The following SGTA variants were observed in gnomAD, a reference collection of about 807,000 sequenced individuals.
SGTA encodes small glutamine rich tetratricopeptide repeat co-chaperone alpha.
Under a neutral mutation model 44.3 loss-of-function variants are expected in SGTA, and 22 were observed. The ratio of observed to expected loss-of-function variants is 0.50; its 90% CI spans 0.36 to 0.71. The LOEUF (loss-of-function observed/expected upper bound fraction) is 0.71, where lower values mean the gene tolerates loss of function less well. Ranked by LOEUF, SGTA falls within the 30% of genes least tolerant of loss-of-function variation. The probability of loss-of-function intolerance (pLI) is 0.00; values close to 1 mark genes in which losing one functional copy is unlikely to be tolerated. For synonymous variants in SGTA, 174 were observed against 177.6 expected (o/e 0.98, Z 0.16); for missense variants, 341 against 435.9 (o/e 0.78, Z 1.94).
At chr19:2,771,792 G>A (rs896411654) in intron 1 of SGTA, among the ~76,000 whole-genome samples, 3 of 152,268 alleles carry the variant, frequency 2.0e-5, no homozygotes, top group Non-Finnish European at 4.4e-5. Context: ...GGTTGCTGTG[G>A]TGCTGGCGCA....
intron 1 of SGTA, chr19:2,777,850 C>T (rs962016562): frequency 6.6e-6 from 1 of 151,704 alleles, no homozygotes; most frequent in East Asian, 2.0e-4. Context: ...AGCCTGGCTT[C>T]TACTAAAAAT....
chr19:2,776,482 G>A (rs952159198), intron 1 of SGTA, among the ~76,000 whole-genome samples: 15 of 152,202 alleles, frequency 9.9e-5, no homozygotes, highest in Non-Finnish European at 2.2e-4. Flanking sequence ...CTCCTAGGCG[G>A]TCCCTAGAGT....
intron 1 of SGTA, among the ~76,000 whole-genome samples, chr19:2,778,664 C>A (rs1915500492): frequency 6.6e-6 from 1 of 152,164 alleles, no homozygotes; most frequent in African/African-American, 2.4e-5. Flanking sequence ...GTCCCATGAT[C>A]ATTTGCTCTA....
At chr19:2,758,816 C>A (rs1158283827) in intron 9 of SGTA, among the ~76,000 whole-genome samples, 1 of 152,198 alleles carries the variant, frequency 6.6e-6, no homozygotes, top group Non-Finnish European at 1.5e-5. Flanking sequence ...AGGAGCGAGG[C>A]CCTGACCCAG....
Position 2,755,943 on chromosome 19 carries a change from GAC to G in SGTA, c.*7-12_*7-11del. ...GTCACACCGGGAGCAGCTGGAAGGG[GAC>G]AGACATGAAGGCTGTCAGAGCGCAG... is the stretch of plus-strand genomic sequence containing the variant. On this transcript the variant is annotated splice_polypyrimidine_tract_variant and intron_variant, in intron 11 of 11. Transcript: ENST00000221566. The surrounding 1 kb of genome is among the most constrained non-coding windows in gnomAD (Gnocchi z 5.2). The G allele has an allele frequency of 1.0e-6, 1 of 985,912 alleles. No homozygotes were observed. The highest frequency in any genetic ancestry group is 1.2e-6 in the Non-Finnish European group (1 of 830,200). The allele number at this position is 985,912 out of a possible 1,614,324, so 61.1% of individuals were successfully genotyped here. A position where few individuals can be genotyped will look rare whatever the true frequency, so the allele number is the denominator to read the frequency against.
rs913397296 is a variant in SGTA, at chr19:2,762,604, C to T, written c.538G>A (p.Ala180Thr). 5.0e-6 allele frequency: 8 copies of T among 1,613,950 alleles called. No homozygotes were observed. The highest frequency in any genetic ancestry group is 1.6e-4 in the Middle Eastern group (1 of 6,084). Residue 180 changes from alanine (A) to threonine (T), a missense_variant, in exon 7 of 12, where the codon GCT becomes ACT. Coordinates refer to ENST00000221566, the MANE Select transcript of SGTA (RefSeq NM_003021.4). ...AGCTCCAGAGCCTTCTTGTAGTAAGCCACGGCCTCCACGTGCTTGTTGAGG... is the reference window on the plus strand; with the variant it reads ...AGCTCCAGAGCCTTCTTGTAGTAAGTCACGGCCTCCACGTGCTTGTTGAGG... ...SSLNKHVEAV[A>T]YYKKALELDP...
At chr19:2,779,099 A>G (rs1022057923) in intron 1 of SGTA, among the ~76,000 whole-genome samples, 2 of 152,186 alleles carry the variant, frequency 1.3e-5, no homozygotes, top group African/African-American at 2.4e-5. Flanking sequence ...ACATGTCCCC[A>G]GACACTGCCA....
chr19:2,760,671 T>C (rs1333579484), intron 8 of SGTA, among the ~76,000 whole-genome samples: 2 of 151,942 alleles, frequency 1.3e-5, no homozygotes, highest in Non-Finnish European at 1.5e-5. Context: ...CCAGTCACCC[T>C]CCATCCCATG....
intron 1 of SGTA, among the ~76,000 whole-genome samples, chr19:2,772,311 T>A (rs1915331220): frequency 6.6e-6 from 1 of 152,194 alleles, no homozygotes; most frequent in South Asian, 2.1e-4. Flanking sequence ...TCTGGATAAT[T>A]TCTTATTCTT....
chr19:2,766,466 C>A (rs557265161), intron 4 of SGTA, among the ~76,000 whole-genome samples: 1 of 151,688 alleles, frequency 6.6e-6, no homozygotes, highest in Non-Finnish European at 1.5e-5. Context: ...GAGTTTCACT[C>A]TTATCGCCCA....
At chr19:2,766,591 C>T (rs540283542) in intron 4 of SGTA, among the ~76,000 whole-genome samples, 1 of 152,126 alleles carries the variant, frequency 6.6e-6, no homozygotes, top group South Asian at 2.1e-4. Flanking sequence ...CACCACTGCA[C>T]CTGGCTAATT....
Position 2,765,367 on chromosome 19 carries a change from G to T in SGTA, c.293-82C>A. 1.9e-6 allele frequency: 2 copies of T among 1,042,696 alleles called. No homozygotes were observed. The highest frequency in any genetic ancestry group is 1.5e-6 in the Non-Finnish European group (1 of 686,804). The allele number at this position is 1,042,696 out of a possible 1,614,324, so 64.6% of individuals were successfully genotyped here. A position where few individuals can be genotyped will look rare whatever the true frequency, so the allele number is the denominator to read the frequency against. On this transcript the variant is annotated intron_variant, in intron 4 of 11. Coordinates refer to ENST00000221566, the MANE Select transcript of SGTA (RefSeq NM_003021.4). The surrounding 1 kb of genome is among the most constrained non-coding windows in gnomAD (Gnocchi z 5.5). ...AGGGAGAGAGGAAAACACCGGCCTGGTGTCCACACAGACCCGAGGGGGCGT... is the reference window on the plus strand; with the variant it reads ...AGGGAGAGAGGAAAACACCGGCCTGTTGTCCACACAGACCCGAGGGGGCGT...
chr19:2,758,721 T>C (rs78482763), intron 9 of SGTA, among the ~76,000 whole-genome samples: 2,079 of 152,116 alleles, frequency 0.014, 20 homozygotes, highest in Non-Finnish European at 0.023. Context: ...AGACAAAAGG[T>C]AGAAACAGCC....
At chr19:2,769,784 C>T (rs1188075308) in intron 1 of SGTA, among the ~76,000 whole-genome samples, 2 of 146,910 alleles carry the variant, frequency 1.4e-5, no homozygotes, top group East Asian at 2.1e-4. Flanking sequence ...GTGCCCCCCT[C>T]GGACACCCGC....
intron 1 of SGTA, among the ~76,000 whole-genome samples, chr19:2,775,660 G>T (rs1169900393): frequency 2.0e-5 from 3 of 152,216 alleles, no homozygotes; most frequent in Non-Finnish European, 2.9e-5. Flanking sequence ...GGAAGGAGAC[G>T]CGTGGGTGCC....
At chr19:2,769,192 G>A (rs1257365299) in intron 1 of SGTA, 101 bp from the exon 2 acceptor site, 1 of 675,254 alleles carries the variant, frequency 1.5e-6, no homozygotes, top group African/African-American at 1.8e-5. Flanking sequence ...TAAGGGTGCT[G>A]GCTGATCTCA....
chr19:2,766,809 T>C lies in SGTA; in HGVS notation c.292+327A>G, dbSNP rs986505537. On this transcript the variant is annotated intron_variant, in intron 4 of 11. Coordinates refer to ENST00000221566, the MANE Select transcript of SGTA (RefSeq NM_003021.4). ...CTGGGTTTTGGTGGACATGTGTCTCTCTTGGGCACATATCTAGTATCAGGG... is the reference window on the plus strand; with the variant it reads ...CTGGGTTTTGGTGGACATGTGTCTCCCTTGGGCACATATCTAGTATCAGGG... Among the ~76,000 whole-genome samples, 196 of 151,928 alleles carry C rather than the reference T, an allele frequency of 1.3e-3. 2 individuals carry two copies. The highest frequency in any genetic ancestry group is 4.3e-3 in the African/African-American group (180 of 41,438).
At position 2,761,501 on chromosome 19, in the gene SGTA, C is replaced by A; in HGVS notation, c.658G>T (p.Asp220Tyr). Reference protein sequence around the residue: ...PSPTGGVGSFDIAGLLNNPGF... With the variant: ...PSPTGGVGSFYIAGLLNNPGF... ...GGGTTGTTCAGCAGGCCGGCGATGT[C>A]GAAGCTGCCCACGCCTCCCGTCTGA... The change falls in exon 8 of 12, where the codon GAC becomes TAC. Residue 220 changes from aspartate (D) to tyrosine (Y), a missense_variant. Coordinates refer to ENST00000221566, the MANE Select transcript of SGTA (RefSeq NM_003021.4). The surrounding 1 kb of genome is among the most constrained non-coding windows in gnomAD (Gnocchi z 5.7). The A allele has an allele frequency of 3.9e-6, 6 of 1,551,520 alleles. No individual in the cohort carries two copies. The highest frequency in any genetic ancestry group is 5.2e-6 in the Non-Finnish European group (6 of 1,146,898).
At chr19:2,772,419 C>T (rs544695344) in intron 1 of SGTA, among the ~76,000 whole-genome samples, 7 of 152,370 alleles carry the variant, frequency 4.6e-5, no homozygotes, top group African/African-American at 1.7e-4. Context: ...CACGGCTCCT[C>T]CTTCTGAGCC....
Sources: allele counts gnomAD v4.1 joint callset (sites outside exome capture counted in the v4.1 genomes callset), GRCh38; gene constraint gnomAD v4.1.1; non-coding constraint Gnocchi (gnomAD v3.1); transcripts MANE v1.5; gene names NCBI Gene and HGNC (gene_info 2026-07-23, HGNC 2026-07-21).